NME7: variants seen among roughly 807,000 people sequenced by gnomAD.
NME7 encodes NME/NM23 family member 7, also known as nucleoside diphosphate kinase 7.
A neutral mutation model predicts 49.1 loss-of-function variants in NME7; 41 were observed. The ratio of observed to expected loss-of-function variants is 0.83; its 90% CI spans 0.65 to 1.08. NME7 has a LOEUF of 1.08. Among genes scored for constraint, NME7 ranks in the 50% least tolerant of loss-of-function variants. NME7 has a pLI of 0.00. For missense variants in NME7, 423 were observed against 463.4 expected, an observed-to-expected ratio of 0.91 and a Z score of 0.80; for synonymous variants, 139 against 150.6, an observed-to-expected ratio of 0.92 and a Z score of 0.56.
At chr1:169,335,714 A>G (rs931698131) in intron 1 of NME7, among the ~76,000 whole-genome samples, 1 of 146,890 alleles carries the variant, frequency 6.8e-6, no homozygotes, top group Non-Finnish European at 1.5e-5. Context: ...TATTTTATAT[A>G]TATTAAATAA....
intron 10 of NME7, among the ~76,000 whole-genome samples, chr1:169,196,815 G>A (rs1660392685): frequency 1.3e-5 from 2 of 152,074 alleles, no homozygotes; most frequent in Non-Finnish European, 2.9e-5. Context: ...CTGAGCATAC[G>A]GCTACGCAGC....
chr1:169,133,438 T>C (rs1557955701), intron 11 of NME7, among the ~76,000 whole-genome samples: 4 of 152,196 alleles, frequency 2.6e-5, no homozygotes. Flanking sequence ...GCTGCCCTCT[T>C]ACAGAGAGAC....
chr1:169,220,098 T>A (rs1661096389), intron 10 of NME7, among the ~76,000 whole-genome samples: 2 of 152,164 alleles, frequency 1.3e-5, no homozygotes, highest in African/African-American at 4.8e-5. Flanking sequence ...CTCTATACTT[T>A]AGCTTTCAAC....
chr1:169,154,112 C>G (rs1163178259), intron 11 of NME7, among the ~76,000 whole-genome samples: 1 of 152,156 alleles, frequency 6.6e-6, no homozygotes, highest in Non-Finnish European at 1.5e-5. Context: ...CTCCCAGGCT[C>G]AAGCAATCTT....
intron 10 of NME7, among the ~76,000 whole-genome samples, chr1:169,214,378 G>A (rs1365422548): frequency 1.3e-5 from 2 of 152,148 alleles, no homozygotes; most frequent in African/African-American, 4.8e-5. Flanking sequence ...TATAGAACCC[G>A]TGTGGCTCTT....
chr1:169,282,094 G>A (rs751425135), intron 7 of NME7, among the ~76,000 whole-genome samples: 17 of 152,012 alleles, frequency 1.1e-4, no homozygotes, highest in Non-Finnish European at 4.4e-5. Flanking sequence ...TTTTTTGGTT[G>A]GTAAGCTATT....
At chr1:169,190,411 G>A (rs920086821) in intron 10 of NME7, among the ~76,000 whole-genome samples, 6 of 151,202 alleles carry the variant, frequency 4.0e-5, no homozygotes, top group African/African-American at 1.5e-4. Context: ...ATGGTTTGAG[G>A]TCAGGTCAAA....
chr1:169,296,470 T>TA (rs59854917), intron 6 of NME7, among the ~76,000 whole-genome samples: 96,161 of 151,896 alleles, frequency 0.63, 30,737 homozygotes, highest in East Asian at 0.92. Flanking sequence ...TTCTTCTCCT[T>TA]ACCTTTTATC....
At chr1:169,228,043 C>T (rs1208890685) in intron 10 of NME7, among the ~76,000 whole-genome samples, 1 of 68,164 alleles carries the variant, frequency 1.5e-5, no homozygotes, top group African/African-American at 4.3e-5. Flanking sequence ...TGTGTGTATA[C>T]ACACACACAC....
chr1:169,250,853 C>T (rs1041765154), intron 7 of NME7, among the ~76,000 whole-genome samples: 1 of 151,936 alleles, frequency 6.6e-6, no homozygotes, highest in Non-Finnish European at 1.5e-5. Flanking sequence ...GATAACATTT[C>T]GATTTTTAAA....
chr1:169,311,458 A>ATATAC (rs1332199502), intron 3 of NME7, among the ~76,000 whole-genome samples: 1 of 151,380 alleles, frequency 6.6e-6, no homozygotes, highest in Non-Finnish European at 1.5e-5. Context: ...CCTTACTTAA[A>ATATAC]TTGGATATAG....
intron 7 of NME7, among the ~76,000 whole-genome samples, chr1:169,283,404 G>A (rs1161921438): frequency 1.3e-5 from 2 of 152,216 alleles, no homozygotes; most frequent in East Asian, 1.9e-4. Context: ...TACCCAATTT[G>A]CCAGTCTATG....
At chr1:169,365,663 T>C (rs779020355) in intron 1 of NME7, among the ~76,000 whole-genome samples, 2 of 152,110 alleles carry the variant, frequency 1.3e-5, no homozygotes, top group Non-Finnish European at 2.9e-5. Flanking sequence ...CTGTAGGAAA[T>C]AGGGAATCTA....
chr1:169,303,028 T>C, intron 5 of NME7, 117 bp downstream of exon 5: 2 of 596,656 alleles, frequency 3.4e-6, no homozygotes. Flanking sequence ...AGTTGCAAGA[T>C]GTTGCTATGG....
At chr1:169,203,314 T>C (rs1660596675) in intron 10 of NME7, among the ~76,000 whole-genome samples, 1 of 152,152 alleles carries the variant, frequency 6.6e-6, no homozygotes, top group Non-Finnish European at 1.5e-5. Context: ...ACTGTACAAA[T>C]GGTAACCCTC....
chr1:169,140,682 G>A (rs1658565335), intron 11 of NME7, among the ~76,000 whole-genome samples: 1 of 150,578 alleles, frequency 6.6e-6, no homozygotes, highest in African/African-American at 2.4e-5. Context: ...TTCATTTTGT[G>A]GCTCCCAGAG....
At chr1:169,267,672 G>T (rs1414347170) in intron 7 of NME7, among the ~76,000 whole-genome samples, 1 of 133,134 alleles carries the variant, frequency 7.5e-6, no homozygotes, top group African/African-American at 2.5e-5. Context: ...AATGGGGAAA[G>T]GACTCCCTAT....
At chr1:169,173,189 A>G (rs1659653546) in intron 10 of NME7, among the ~76,000 whole-genome samples, 1 of 152,240 alleles carries the variant, frequency 6.6e-6, no homozygotes, top group South Asian at 2.1e-4. Flanking sequence ...TTTGTAAGAC[A>G]AGGATAAAAT....
rs1185877737 is a variant in NME7, at chr1:169,256,873, C to CTTGGGGG, written c.755-19193_755-19187dup. Among the ~76,000 whole-genome samples the CTTGGGGG allele has an allele frequency of 1.5e-5, 2 of 132,246 alleles. 1 individual carries two copies. The highest frequency in any genetic ancestry group is 3.6e-5 in the Non-Finnish European group (2 of 56,326). The allele number at this position is 132,246 out of a possible 152,430, so 86.8% of individuals were successfully genotyped here. ...TGGGGGGTGCCTCCCAGTTAGGCTG[C>CTTGGGGG]TTGGGGGTCAGGGGTCAGGGACCCA... On this transcript the variant is annotated intron_variant, in intron 7 of 11. Coordinates refer to ENST00000367811, the MANE Select transcript of NME7 (RefSeq NM_013330.5).
Sources: gnomAD v4.1 joint callset for allele counts (sites outside exome capture counted in the v4.1 genomes callset) on GRCh38, gnomAD v4.1.1 for gene constraint, MANE v1.5 for transcripts, NCBI Gene and HGNC (gene_info 2026-07-23, HGNC 2026-07-21) for gene names.